ARHGAP29: variants seen among roughly 807,000 people sequenced by gnomAD.
ARHGAP29 encodes the protein rho GTPase-activating protein 29.
In ARHGAP29, 43 loss-of-function variants were observed where a neutral mutation model predicts 122.6. That is an observed-to-expected ratio of 0.35 (90% CI 0.27 to 0.45). The LOEUF (loss-of-function observed/expected upper bound fraction) is 0.45. ARHGAP29 is among the 20% of genes least tolerant of loss of function. The pLI, the probability that ARHGAP29 is intolerant of heterozygous loss-of-function variation, is 1.00. For synonymous variants in ARHGAP29, 506 were observed against 497.1 expected (o/e 1.02, Z -0.24); for missense variants, 1,303 against 1,477.2 (o/e 0.88, Z 1.93).
At chr1:94,254,921 G>T (rs1011180487) in intron 1 of ARHGAP29, among the ~76,000 whole-genome samples, 1 of 152,210 alleles carries the variant, frequency 6.6e-6, no homozygotes, top group African/African-American at 2.4e-5. Context: ...AAAACTGAAG[G>T]TGGTTTTTGG....
chr1:94,264,796 C>T (rs976577669), intron 1 of ARHGAP29, among the ~76,000 whole-genome samples: 1 of 152,172 alleles, frequency 6.6e-6, no homozygotes, highest in African/African-American at 2.4e-5. Context: ...TGCTGATCTC[C>T]TGTATTAGTC....
Position 94,205,107 on chromosome 1 carries a change from T to G in ARHGAP29, c.651A>C (p.Lys217Asn). 6.2e-7 allele frequency: 1 copy of G among 1,607,662 alleles called. No homozygotes were observed. Among genetic ancestry groups the G allele is most frequent in the Non-Finnish European group, 8.5e-7 (1 of 1,177,966 alleles). ...LALSYAKTWS[K>N]YTKNIVSWVE... ...CCCATGAAACTATGTTCTTAGTATA[T>G]TTTGACCAAGTTTTAGCATATGACA... is the stretch of plus-strand genomic sequence containing the variant. The change falls in exon 7 of 23, where the codon AAA (lysine) becomes AAC (asparagine). Residue 217 changes from lysine to asparagine, a missense_variant. Lys to Asn is a moderately conservative substitution (Grantham distance 94). Transcript: ENST00000260526.
intron 1 of ARHGAP29, among the ~76,000 whole-genome samples, chr1:94,266,087 T>C (rs1654759620): frequency 3.3e-5 from 5 of 152,214 alleles, no homozygotes; most frequent in Admixed American, 3.3e-4. Context: ...TCAAGCTGCA[T>C]TTGATTAAAG....
At chr1:94,183,404 G>C (rs188851715) in intron 19 of ARHGAP29, among the ~76,000 whole-genome samples, 3 of 151,984 alleles carry the variant, frequency 2.0e-5, no homozygotes, top group Admixed American at 6.5e-5. Context: ...CCCTCCATAA[G>C]CTGCTGCTTG....
chr1:94,213,350 T>C (rs181184808), intron 3 of ARHGAP29, among the ~76,000 whole-genome samples: 18 of 152,166 alleles, frequency 1.2e-4, no homozygotes, highest in Admixed American at 2.0e-4. Context: ...CGGCCAATTT[T>C]TTTTGTATTT....
At chr1:94,258,178 G>A (rs1000515187) in intron 1 of ARHGAP29, among the ~76,000 whole-genome samples, 5 of 152,126 alleles carry the variant, frequency 3.3e-5, no homozygotes, top group Non-Finnish European at 7.4e-5. Context: ...AATTTGCCCT[G>A]GACAGTTTCA....
the ARHGAP29 span, among the ~76,000 whole-genome samples, chr1:94,291,188 C>T: frequency 3.9e-5 from 6 of 152,168 alleles, no homozygotes; most frequent in South Asian, 2.1e-4. Context: ...TTCTTTGTCT[C>T]TTGTGATCTT....
Position 94,169,569 on chromosome 1 carries a change from G to A in ARHGAP29, c.*4300C>T, listed in dbSNP as rs1008986540. On this transcript the variant is annotated 3_prime_UTR_variant, in exon 23 of 23. Transcript: ENST00000260526. ...TTGAAGGTGTCAATGTGAACTCAAA[G>A]TTTTCAATACGTATGTATATAAATA... Among the ~76,000 whole-genome samples, 1 of 152,200 alleles carries A rather than the reference G, an allele frequency of 6.6e-6. No homozygotes were observed. Among genetic ancestry groups the A allele is most frequent in the African/African-American group, 2.4e-5 (1 of 41,442 alleles).
chr1:94,279,217 T>C (rs1655277419), upstream of ARHGAP29, among the ~76,000 whole-genome samples: 1 of 152,186 alleles, frequency 6.6e-6, no homozygotes, highest in Non-Finnish European at 1.5e-5. Flanking sequence ...ATGGTTAATC[T>C]CCAGCAGCAT....
chr1:94,195,238 A>G (rs1650380080), intron 12 of ARHGAP29: 1 of 152,202 alleles, frequency 6.6e-6, no homozygotes. Context: ...TTTTATAAGA[A>G]CAAAGGGGAA....
In ARHGAP29 at chr1:94,178,157, G is replaced by C; in HGVS notation, c.2491C>G (p.His831Asp). The change falls in exon 21 of 23, where the codon CAT becomes GAT. Residue 831 changes from histidine (H) to aspartate (D), a missense_variant. Physicochemically the swap from His to Asp is moderately conservative, Grantham distance 81. Transcript: ENST00000260526. Reference sequence around the variant, plus strand: ...GAGTTCATCTTGTTTTCTTCTGCATGATCTACTACCCTGCAAAGTAGAACA... The same window carrying C: ...GAGTTCATCTTGTTTTCTTCTGCATCATCTACTACCCTGCAAAGTAGAACA... ...LIVHLKRVVD[H>D]AEENKMNSKN... 6.2e-7 allele frequency: 1 copy of C among 1,612,954 alleles called. No individual in the cohort carries two copies. The highest frequency in any genetic ancestry group is 8.5e-7 in the Non-Finnish European group (1 of 1,179,470).
intron 1 of ARHGAP29, 114 bp downstream of exon 1, chr1:94,237,301 C>G: frequency 2.7e-6 from 2 of 734,182 alleles, no homozygotes; most frequent in Non-Finnish European, 3.3e-6. Flanking sequence ...CACTCGGGGC[C>G]GCCCCGCGGG....
chr1:94,248,951 G>A (rs1264484912), intron 1 of ARHGAP29, among the ~76,000 whole-genome samples: 3 of 152,110 alleles, frequency 2.0e-5, no homozygotes, highest in African/African-American at 4.8e-5. Context: ...TGGCCTCAAG[G>A]GATCCTCCTG....
chr1:94,215,104 G>GAAAAAAAAAAAAAAAGAAAAAAAAAA (rs1651876576), intron 3 of ARHGAP29, among the ~76,000 whole-genome samples: 2 of 83,646 alleles, frequency 2.4e-5, no homozygotes, highest in African/African-American at 3.8e-5. Context: ...GCATGAAAAG[G>GAAAAAAAAAAAAAAAGAAAAAAAAAA]AAAAAAAAAA....
At chr1:94,265,606 T>C (rs1654740981) in intron 1 of ARHGAP29, among the ~76,000 whole-genome samples, 1 of 152,198 alleles carries the variant, frequency 6.6e-6, no homozygotes, top group Non-Finnish European at 1.5e-5. Flanking sequence ...AATGCCCTGA[T>C]CATCCCTCTA....
the ARHGAP29 span, among the ~76,000 whole-genome samples, chr1:94,300,389 T>A: frequency 1.3e-5 from 2 of 152,296 alleles, no homozygotes; most frequent in South Asian, 4.1e-4. Context: ...CCGTCTCACA[T>A]TCCTGGTGGG....
chr1:94,239,596 A>C (rs1277824396), upstream of ARHGAP29, among the ~76,000 whole-genome samples: 1 of 152,060 alleles, frequency 6.6e-6, no homozygotes, highest in Admixed American at 6.6e-5. Context: ...GGAAAGAAGA[A>C]AGAAATATGC....
At chr1:94,189,635 T>C (rs1650014484) in intron 13 of ARHGAP29, among the ~76,000 whole-genome samples, 1 of 152,130 alleles carries the variant, frequency 6.6e-6, no homozygotes, top group South Asian at 2.1e-4. Context: ...GTGAAAAACA[T>C]AGGTTAAATT....
intron 1 of ARHGAP29, among the ~76,000 whole-genome samples, chr1:94,258,113 A>G (rs1431633951): frequency 6.6e-6 from 1 of 152,224 alleles, no homozygotes; most frequent in East Asian, 1.9e-4. Context: ...TGCAGGAAGT[A>G]TCCATTCCTA....
Sources: gnomAD v4.1 joint callset for allele counts (sites outside exome capture counted in the v4.1 genomes callset) on GRCh38, gnomAD v4.1.1 for gene constraint, MANE v1.5 for transcripts, NCBI Gene and HGNC (gene_info 2026-07-23, HGNC 2026-07-21) for gene names.